The following ABHD2 variants were observed in gnomAD, a reference collection of about 807,000 sequenced individuals.
The protein encoded by ABHD2 is abhydrolase domain containing 2, acylglycerol lipase, also known as monoacylglycerol lipase ABHD2.
Under a neutral mutation model 48.1 loss-of-function variants are expected in ABHD2, and 20 were observed. The ratio of observed to expected loss-of-function variants is 0.42; its 90% confidence interval spans 0.29 to 0.60. The LOEUF (loss-of-function observed/expected upper bound fraction) is 0.60, where lower values mean the gene tolerates loss of function less well. ABHD2 is among the 20% of genes least tolerant of loss of function. ABHD2 has a pLI of 0.24. For synonymous variants in ABHD2, 209 were observed against 214.2 expected (o/e 0.98, Z 0.21); for missense variants, 405 against 550.9 (o/e 0.74, Z 2.65).
the ABHD2 span, among the ~76,000 whole-genome samples, chr15:89,071,969 G>T: frequency 3.3e-4 from 50 of 152,156 alleles, no homozygotes; most frequent in African/African-American, 1.2e-3. Flanking sequence ...AGACTATTCT[G>T]GTTTTAACAC....
chr15:89,113,363 G>A (rs895915873), intron 1 of ABHD2, among the ~76,000 whole-genome samples: 1 of 152,198 alleles, frequency 6.6e-6, no homozygotes, highest in African/African-American at 2.4e-5. Flanking sequence ...TCGATCTCAA[G>A]CCTTGCTAAG....
rs2049625417 is a variant in ABHD2, at chr15:89,097,141, AG to A, written c.-107+8579del. ...TATTCTGGGAATTTTAAAGATATAC[AG>A]AAGTAGAGAGAATCATATAATGAAC... is the stretch of plus-strand genomic sequence containing the variant. On this transcript the variant is annotated intron_variant, in intron 1 of 10. Coordinates refer to ENST00000352732, the MANE Select transcript of ABHD2 (RefSeq NM_152924.5). This position sits in a 1 kb window ranked among gnomAD's most constrained non-coding sequence, Gnocchi z 4.2. Among the ~76,000 whole-genome samples the A allele has an allele frequency of 6.6e-6, 1 of 152,210 alleles. No homozygotes were observed. The highest frequency in any genetic ancestry group is 1.9e-4 in the East Asian group (1 of 5,204).
intron 10 of ABHD2, among the ~76,000 whole-genome samples, chr15:89,194,915 G>A (rs1343265735): frequency 6.6e-6 from 1 of 152,140 alleles, no homozygotes; most frequent in African/African-American, 2.4e-5. Context: ...GGCCAGCCTG[G>A]GGTTAAGGAG....
chr15:89,068,278 A>G, the ABHD2 span, among the ~76,000 whole-genome samples: 2 of 152,134 alleles, frequency 1.3e-5, no homozygotes, highest in African/African-American at 4.8e-5. Context: ...TACATAACAA[A>G]CCACCCCTAA....
At chr15:89,172,154 G>A (rs2050940060) in intron 5 of ABHD2, among the ~76,000 whole-genome samples, 1 of 151,994 alleles carries the variant, frequency 6.6e-6, no homozygotes, top group Non-Finnish European at 1.5e-5. Context: ...GTGATAAAAT[G>A]TACATAACAA....
chr15:89,123,593 CTTTTTTTTTT>C (rs138910210), intron 3 of ABHD2, among the ~76,000 whole-genome samples: 3 of 96,660 alleles, frequency 3.1e-5, no homozygotes, highest in Admixed American at 1.2e-4. Context: ...TTCTTTCTTT[CTTTTTTTTTT>C]TTTTTTTTTT....
Position 89,188,352 on chromosome 15 carries a change from C to G in ABHD2, c.926+49C>G. 6.6e-7 allele frequency: 1 copy of G among 1,519,574 alleles called. No individual in the cohort carries two copies. The highest frequency in any genetic ancestry group is 1.1e-5 in the South Asian group (1 of 88,832). 94.1% of individuals were successfully genotyped at this position (1,519,574 alleles called of 1,614,324 possible). On this transcript the variant is annotated intron_variant, in intron 8 of 10. Transcript: ENST00000352732. This position sits in a 1 kb window ranked among gnomAD's most constrained non-coding sequence, Gnocchi z 4.1. ...GGACGCTCTGGGGCAGGGTGCCAGG[C>G]AGGAGGCTGCAGGTCAGCTGTGCCC...
chr15:89,149,226 C>CAA (rs201577646), intron 3 of ABHD2, among the ~76,000 whole-genome samples: 74 of 152,036 alleles, frequency 4.9e-4, no homozygotes, highest in African/African-American at 1.6e-3. Flanking sequence ...CACACACACA[C>CAA]ACACACACAC....
intron 3 of ABHD2, chr15:89,136,504 A>C: frequency 2.6e-6 from 1 of 380,192 alleles, no homozygotes; most frequent in Non-Finnish European, 5.2e-6. Flanking sequence ...ATGTTTAGTT[A>C]TTTTTCCTCA....
Position 89,091,634 on chromosome 15 carries a change from T to C in ABHD2, c.-107+3071T>C, listed in dbSNP as rs1183027535. Among the ~76,000 whole-genome samples the C allele has an allele frequency of 2.6e-5, 4 of 152,302 alleles. No homozygotes were observed. The highest frequency in any genetic ancestry group is 7.2e-5 in the African/African-American group (3 of 41,552). ...GCAGGAAATAATTTCTTTGGTCTTA[T>C]GGGAGACAGGGGTAGAGTCTGTCTT... On this transcript the variant is annotated intron_variant, in intron 1 of 10. Transcript: ENST00000352732. The surrounding 1 kb of genome is among the most constrained non-coding windows in gnomAD (Gnocchi z 5.5).
the ABHD2 span, among the ~76,000 whole-genome samples, chr15:89,061,138 C>T: frequency 6.6e-6 from 1 of 151,912 alleles, no homozygotes; most frequent in African/African-American, 2.4e-5. Flanking sequence ...TACTGGGGGC[C>T]GGGCATGGTG....
the ABHD2 span, among the ~76,000 whole-genome samples, chr15:89,060,399 TA>T: frequency 0.19 from 28,069 of 150,742 alleles, 2,805 homozygotes; most frequent in African/African-American, 0.2. Flanking sequence ...CCAGCCTTTT[TA>T]AAAAAAAACA....
intron 1 of ABHD2, among the ~76,000 whole-genome samples, chr15:89,112,382 T>G (rs914653921): frequency 1.3e-5 from 2 of 152,242 alleles, no homozygotes; most frequent in African/African-American, 4.8e-5. Context: ...GCTGCCAGTT[T>G]AGGATCTTTG....
At chr15:89,107,512 G>A (rs2049805061) in intron 1 of ABHD2, among the ~76,000 whole-genome samples, 1 of 152,134 alleles carries the variant, frequency 6.6e-6, no homozygotes, top group Non-Finnish European at 1.5e-5. Flanking sequence ...GTTTAATAGT[G>A]GAGATGGTAA....
rs2051467192 is a variant in ABHD2 at position 89,201,732 on chromosome 15, T to A, written c.*6309T>A. On this transcript the variant is annotated 3_prime_UTR_variant, in exon 11 of 11. Coordinates refer to ENST00000352732, the MANE Select transcript of ABHD2 (RefSeq NM_152924.5). ...TACATCTGTGAAGGGGCCTTTGAATTTGAGGTCTATGGGCGGGTCGAGGAC... is the reference window on the plus strand; with the variant it reads ...TACATCTGTGAAGGGGCCTTTGAATATGAGGTCTATGGGCGGGTCGAGGAC... The A allele has an allele frequency of 6.3e-6, 10 of 1,591,542 alleles. No homozygotes were observed. The East Asian group carries it at 2.2e-4, about 36-fold the overall frequency.
upstream of ABHD2, chr15:89,087,023 T>C (rs1328390355): frequency 6.6e-6 from 1 of 152,150 alleles, no homozygotes; most frequent in Non-Finnish European, 1.5e-5. The surrounding 1 kb of genome is among the most constrained non-coding windows in gnomAD (Gnocchi z 5.5). Context: ...TGATGTACCA[T>C]GGCTGTGAGT....
chr15:89,173,642 A>G lies in ABHD2; in HGVS notation c.539-2170A>G, dbSNP rs1288424280. 6.6e-6 allele frequency among the ~76,000 whole-genome samples: 1 copy of G among 152,206 alleles called. No homozygotes were observed. The highest frequency in any genetic ancestry group is 1.5e-5 in the Non-Finnish European group (1 of 68,032). ...TGGGGACAACAGTCTGGCATTTCAC[A>G]TTCCAAAGTTAAGAGTTCAAGGATC... On this transcript the variant is annotated intron_variant, in intron 5 of 10. Coordinates refer to ENST00000352732, the MANE Select transcript of ABHD2 (RefSeq NM_152924.5). This position sits in a 1 kb window ranked among gnomAD's most constrained non-coding sequence, Gnocchi z 6.5.
chr15:89,194,154 G>A (rs998723065), intron 10 of ABHD2, among the ~76,000 whole-genome samples: 6 of 152,032 alleles, frequency 3.9e-5, no homozygotes, highest in South Asian at 4.2e-4. Flanking sequence ...CAAAAAATCC[G>A]GTTCTGCTAT....
chr15:89,148,464 G>T (rs952224506), intron 3 of ABHD2, among the ~76,000 whole-genome samples: 2 of 152,208 alleles, frequency 1.3e-5, no homozygotes, highest in Non-Finnish European at 2.9e-5. Context: ...ATTAATGAGG[G>T]TGAGGAAGAC....
Sources: gnomAD v4.1 joint callset for allele counts (sites outside exome capture counted in the v4.1 genomes callset) on GRCh38, gnomAD v4.1.1 for gene constraint, Gnocchi (gnomAD v3.1) non-coding constraint, MANE v1.5 for transcripts, NCBI Gene and HGNC (gene_info 2026-07-23, HGNC 2026-07-21) for gene names.